PRKCE: variants seen among roughly 807,000 people sequenced by gnomAD.
PRKCE encodes protein kinase C epsilon.
A neutral mutation model predicts 85.4 loss-of-function variants in PRKCE; 16 were observed. The ratio of observed to expected loss-of-function variants is 0.19; its 90% CI spans 0.13 to 0.28. The LOEUF (loss-of-function observed/expected upper bound fraction) is 0.28. Among genes scored for constraint, PRKCE ranks in the 10% least tolerant of loss-of-function variants. PRKCE has a pLI of 1.00. For missense variants in PRKCE, 573 were observed against 975.2 expected, an observed-to-expected ratio of 0.59 and a Z score of 5.49; for synonymous variants, 388 against 371.5, an observed-to-expected ratio of 1.04 and a Z score of -0.51.
intron 10 of PRKCE, among the ~76,000 whole-genome samples, chr2:46,054,323 A>T: frequency 6.6e-6 from 1 of 152,238 alleles, no homozygotes. Flanking sequence ...TCCCACTTGC[A>T]TTTGATAACT....
At chr2:45,668,905 G>A (rs190793516) in intron 1 of PRKCE, among the ~76,000 whole-genome samples, 1 of 152,286 alleles carries the variant, frequency 6.6e-6, no homozygotes, top group East Asian at 1.9e-4. Flanking sequence ...TGGAGAAACC[G>A]AGGATAAAGG....
rs192806482 is a variant in PRKCE at position 45,965,398 on chromosome 2, T to C, written c.413-11031T>C. On this transcript the variant is annotated intron_variant, in intron 2 of 14. Coordinates refer to ENST00000306156, the MANE Select transcript of PRKCE (RefSeq NM_005400.3). ...AGTACCTGGTTTTGTTTGTTTTGTT[T>C]TCTTTCCATTGACCTTGCATATTTA... Among the ~76,000 whole-genome samples the C allele has an allele frequency of 7.9e-5, 12 of 152,016 alleles. No homozygotes were observed. In the South Asian group the frequency reaches 1.2e-3, roughly 16 times the overall value.
rs1380201281 is a variant in PRKCE at position 45,832,464 on chromosome 2, C to T, written c.349-10536C>T. Among the ~76,000 whole-genome samples, 7 of 152,226 alleles carry T rather than the reference C, an allele frequency of 4.6e-5. No individual in the cohort carries two copies. In the East Asian group the frequency reaches 7.7e-4, roughly 17 times the overall value. ...AGTAGCTGGGACTACAGGTGCACTC[C>T]ACCATGCCCAGCTAATTTTTGTATT... On this transcript the variant is annotated intron_variant, in intron 1 of 14. Coordinates refer to ENST00000306156, the MANE Select transcript of PRKCE (RefSeq NM_005400.3).
At chr2:46,086,511 T>C (rs1451224234) in intron 11 of PRKCE, 149 bp downstream of exon 11, 16 of 870,040 alleles carry the variant, frequency 1.8e-5, no homozygotes, top group South Asian at 1.1e-4. Flanking sequence ...GAAGACTTTT[T>C]TGGGGGCTGT....
intron 11 of PRKCE, among the ~76,000 whole-genome samples, chr2:46,144,351 G>A (rs1236542245): frequency 3.3e-5 from 5 of 152,140 alleles, no homozygotes; most frequent in African/African-American, 2.4e-5. Context: ...GCTTATTGCT[G>A]TTAGCATGCA....
chr2:45,722,029 T>C (rs1020321852), intron 1 of PRKCE, among the ~76,000 whole-genome samples: 3 of 152,006 alleles, frequency 2.0e-5, no homozygotes, highest in Admixed American at 6.5e-5. Flanking sequence ...AGAGTTTCTG[T>C]TTATTTGGGG....
intron 2 of PRKCE, among the ~76,000 whole-genome samples, chr2:45,858,084 A>G (rs142634338): frequency 7.6e-4 from 115 of 152,314 alleles, no homozygotes; most frequent in African/African-American, 2.0e-3. Context: ...GGTGGGTTTG[A>G]GTCACCAGGG....
At position 45,943,590 on chromosome 2, in the gene PRKCE, C is replaced by T. The variant is rs144603981; in HGVS notation, c.413-32839C>T. Among the ~76,000 whole-genome samples the T allele has an allele frequency of 3.9e-5, 6 of 152,368 alleles. No homozygotes were observed. In the South Asian group the frequency reaches 6.2e-4, roughly 16 times the overall value. Reference sequence around the variant, plus strand: ...TGCCAGAAACATGCCAGAATTCCTTCTTTCCAGAGCCTTTTTTTTTCTGTC... The same window carrying T: ...TGCCAGAAACATGCCAGAATTCCTTTTTTCCAGAGCCTTTTTTTTTCTGTC... On this transcript the variant is annotated intron_variant, in intron 2 of 14. Transcript: ENST00000306156.
chr2:46,038,651 T>TCACACACACACA (rs3222422), intron 10 of PRKCE, among the ~76,000 whole-genome samples: 9 of 128,726 alleles, frequency 7.0e-5, no homozygotes, highest in Admixed American at 5.5e-4. Flanking sequence ...AGTAACAACT[T>TCACACACACACA]CACACACACA....
At chr2:45,767,774 T>G (rs1573271095) in intron 1 of PRKCE, among the ~76,000 whole-genome samples, 1 of 152,184 alleles carries the variant, frequency 6.6e-6, no homozygotes, top group Non-Finnish European at 1.5e-5. Flanking sequence ...TATTGGATGG[T>G]TTTACTGGAG....
chr2:45,891,012 G>T (rs1230488537), intron 2 of PRKCE, among the ~76,000 whole-genome samples: 2 of 152,224 alleles, frequency 1.3e-5, no homozygotes, highest in Admixed American at 1.3e-4. Context: ...AGAGCTGGAG[G>T]CTGTGTCGTC....
intron 2 of PRKCE, 59 bp downstream of exon 2, chr2:45,843,122 C>A: frequency 6.9e-7 from 1 of 1,448,308 alleles, no homozygotes; most frequent in Non-Finnish European, 9.7e-7. Flanking sequence ...CCTTCTGGGT[C>A]TCTTCTTTCC....
intron 2 of PRKCE, among the ~76,000 whole-genome samples, chr2:45,919,408 A>G (rs1182383773): frequency 1.3e-5 from 2 of 152,262 alleles, no homozygotes; most frequent in Non-Finnish European, 2.9e-5. Context: ...AAGCCAGCGT[A>G]GGCAGTGGTA....
At chr2:45,887,497 C>T (rs184193782) in intron 2 of PRKCE, among the ~76,000 whole-genome samples, 3 of 152,052 alleles carry the variant, frequency 2.0e-5, no homozygotes, top group Middle Eastern at 3.4e-3. Context: ...CTCTAGGTGG[C>T]GGTTTCAGGA....
chr2:46,005,732 C>A (rs1277581909), intron 8 of PRKCE, among the ~76,000 whole-genome samples: 1 of 152,116 alleles, frequency 6.6e-6, no homozygotes, highest in African/African-American at 2.4e-5. Flanking sequence ...AGCCCTGAGG[C>A]CACAGAATAA....
At chr2:45,964,276 A>G (rs773792893) in intron 2 of PRKCE, among the ~76,000 whole-genome samples, 2 of 152,158 alleles carry the variant, frequency 1.3e-5, no homozygotes, top group Admixed American at 6.5e-5. Flanking sequence ...GCCCGTTTTA[A>G]TACAGCATTT....
At chr2:46,164,406 C>A (rs1037407819) in intron 14 of PRKCE, among the ~76,000 whole-genome samples, 2 of 152,236 alleles carry the variant, frequency 1.3e-5, no homozygotes, top group African/African-American at 4.8e-5. Flanking sequence ...AACTGAATAC[C>A]TCCAAGGTGA....
chr2:45,698,391 A>G (rs140359010), intron 1 of PRKCE, among the ~76,000 whole-genome samples: 1 of 152,140 alleles, frequency 6.6e-6, no homozygotes, highest in African/African-American at 2.4e-5. Flanking sequence ...GGGAAGGGCT[A>G]TTTAGAGGGA....
At chr2:45,686,619 C>T (rs1440476313) in intron 1 of PRKCE, among the ~76,000 whole-genome samples, 1 of 152,252 alleles carries the variant, frequency 6.6e-6, no homozygotes, top group Non-Finnish European at 1.5e-5. Context: ...GCAAATGCTT[C>T]ATTCATAGTC....
Sources: allele counts gnomAD v4.1 joint callset (sites outside exome capture counted in the v4.1 genomes callset), GRCh38; gene constraint gnomAD v4.1.1; transcripts MANE v1.5; gene names NCBI Gene and HGNC (gene_info 2026-07-23, HGNC 2026-07-21).